The following RAI1 variants were observed in gnomAD, a reference collection of about 807,000 sequenced individuals.
RAI1 encodes retinoic acid induced 1, also known as retinoic acid-induced protein 1.
A neutral mutation model predicts 123.8 loss-of-function variants in RAI1; 9 were observed. The ratio of observed to expected loss-of-function variants is 0.07; its 90% CI spans 0.04 to 0.13. The LOEUF is 0.13. Ranked by LOEUF, RAI1 falls within the 10% of genes least tolerant of loss-of-function variation. The probability of loss-of-function intolerance (pLI) is 1.00; values close to 1 mark genes in which losing one functional copy is unlikely to be tolerated. For missense variants in RAI1, 2,256 were observed against 2,545.8 expected (o/e 0.89, Z 2.45); for synonymous variants, 1,231 against 1,127.3 (o/e 1.09, Z -1.84).
At chr17:17,782,377 G>A (rs1044766131) in intron 2 of RAI1, among the ~76,000 whole-genome samples, 9 of 151,986 alleles carry the variant, frequency 5.9e-5, no homozygotes, top group Non-Finnish European at 1.2e-4. Context: ...AGGGGAGGTG[G>A]CGTTGGGGAG....
intron 4 of RAI1, among the ~76,000 whole-genome samples, chr17:17,804,873 T>C (rs1345414040): frequency 6.6e-6 from 1 of 152,014 alleles, no homozygotes; most frequent in East Asian, 1.9e-4. Flanking sequence ...TATTTATTTA[T>C]TTATTTTTGA....
rs758820067 is a variant in RAI1 at position 17,810,724 on chromosome 17, C to T, written c.*743C>T. 2.3e-5 allele frequency: 10 copies of T among 433,444 alleles called. No homozygotes were observed. Among genetic ancestry groups the T allele is most frequent in the South Asian group, 1.6e-4 (10 of 62,592 alleles). The allele number at this position is 433,444 out of a possible 1,614,324, so 26.8% of individuals were successfully genotyped here. A position where few individuals can be genotyped will look rare whatever the true frequency, so the allele number is the denominator to read the frequency against. Reference sequence around the variant, plus strand: ...GGACACCCTTTGGCCTCTGTTTGTCCCCTTTCCAGTCCTCCACCCCACCCC... The same window carrying T: ...GGACACCCTTTGGCCTCTGTTTGTCTCCTTTCCAGTCCTCCACCCCACCCC... On this transcript the variant is annotated 3_prime_UTR_variant, in exon 6 of 6. Coordinates refer to ENST00000353383, the MANE Select transcript of RAI1 (RefSeq NM_030665.4). The surrounding 1 kb of genome is among the most constrained non-coding windows in gnomAD (Gnocchi z 4.6).
chr17:17,693,117 C>G (rs1057187780), intron 1 of RAI1, among the ~76,000 whole-genome samples: 1 of 152,240 alleles, frequency 6.6e-6, no homozygotes, highest in Non-Finnish European at 1.5e-5. Context: ...GGGGTGCCTG[C>G]CATGCAGAGG....
At chr17:17,767,157 G>A (rs1237613949) in intron 2 of RAI1, among the ~76,000 whole-genome samples, 7 of 152,316 alleles carry the variant, frequency 4.6e-5, no homozygotes, top group Middle Eastern at 3.4e-3. Flanking sequence ...CTTCCCCAAC[G>A]AGCCAGGTGG....
At chr17:17,733,317 T>C (rs1464975939) in intron 2 of RAI1, among the ~76,000 whole-genome samples, 2 of 152,152 alleles carry the variant, frequency 1.3e-5, no homozygotes, top group Non-Finnish European at 2.9e-5. Flanking sequence ...AAAGAAAGGG[T>C]GCACCAGATG....
Position 17,795,313 on chromosome 17 carries a change from G to C in RAI1, c.2365G>C (p.Ala789Pro), listed in dbSNP as rs371592740. Residue 789 changes from alanine to proline, a missense_variant, in exon 3 of 6, where the codon GCC becomes CCC. Physicochemically the swap from Ala to Pro is conservative, Grantham distance 27. Around this residue, in one of 7 missense-constraint regions of RAI1, gnomAD observed 566 missense variants for 616.0 expected, o/e 0.92. Transcript: ENST00000353383. This position sits in a 1 kb window ranked among gnomAD's most constrained non-coding sequence, Gnocchi z 5.9. ...ISKGDTHEAS[A>P]CLGFQEEDPP... Reference sequence around the variant, plus strand: ...CAAAGGGGACACCCATGAGGCTTCGGCCTGCCTGGGCTTCCAGGAGGAGGA... The same window carrying C: ...CAAAGGGGACACCCATGAGGCTTCGCCCTGCCTGGGCTTCCAGGAGGAGGA... 6.2e-7 allele frequency: 1 copy of C among 1,605,876 alleles called. No individual in the cohort carries two copies. Among genetic ancestry groups the C allele is most frequent in the African/African-American group, 1.3e-5 (1 of 74,630 alleles).
intron 2 of RAI1, chr17:17,779,239 TC>T (rs1204280190): frequency 6.3e-6 from 2 of 316,956 alleles, no homozygotes; most frequent in Non-Finnish European, 1.2e-5. Flanking sequence ...TGGCTGGCTC[TC>T]CCCGAAGGTC....
chr17:17,692,788 C>T (rs973462361), intron 1 of RAI1, among the ~76,000 whole-genome samples: 1 of 152,182 alleles, frequency 6.6e-6, no homozygotes, highest in African/African-American at 2.4e-5. Context: ...ATGCCTTTAT[C>T]CTGGAGTTGC....
chr17:17,720,370 A>T (rs1915842273), intron 1 of RAI1, among the ~76,000 whole-genome samples: 1 of 152,158 alleles, frequency 6.6e-6, no homozygotes, highest in Non-Finnish European at 1.5e-5. Flanking sequence ...AGGAGGGAGG[A>T]TCCTAATTCC....
intron 1 of RAI1, among the ~76,000 whole-genome samples, chr17:17,706,316 G>A (rs572053764): frequency 1.3e-5 from 2 of 152,206 alleles, no homozygotes; most frequent in South Asian, 4.1e-4. Flanking sequence ...ATGGGACCGT[G>A]TAGTGGCCAA....
intron 1 of RAI1, among the ~76,000 whole-genome samples, chr17:17,688,689 G>A (rs1914730819): frequency 1.3e-5 from 2 of 151,898 alleles, no homozygotes; most frequent in Admixed American, 1.3e-4. Context: ...TTTGTCTCCT[G>A]AGTTCAAGTG....
In RAI1 at chr17:17,800,200, C is replaced by G. The variant is rs796789152; in HGVS notation, c.5565+1687C>G. On this transcript the variant is annotated intron_variant, in intron 3 of 5. Transcript: ENST00000353383. The surrounding 1 kb of genome is among the most constrained non-coding windows in gnomAD (Gnocchi z 4.7). The stretch of plus-strand genomic sequence containing the variant: ...TCTCTGTCTCTCTCTCTCTCTCTCT[C>G]TCTCTCTCTCTCTCTCTCTCTCTCT... 0.04 allele frequency among the ~76,000 whole-genome samples: 5,194 copies of G among 128,944 alleles called. 224 individuals carry two copies. Among genetic ancestry groups the G allele is most frequent in the African/African-American group, 0.089 (2,895 of 32,570 alleles). 84.6% of individuals were successfully genotyped at this position (128,944 alleles called of 152,430 possible).
At chr17:17,791,105 G>A (rs1379518509) in intron 2 of RAI1, among the ~76,000 whole-genome samples, 3 of 152,224 alleles carry the variant, frequency 2.0e-5, no homozygotes, top group African/African-American at 4.8e-5. Context: ...TTGATAAGCC[G>A]GTGGGCAGGG....
At chr17:17,785,629 G>A (rs1467251627) in intron 2 of RAI1, among the ~76,000 whole-genome samples, 2 of 152,158 alleles carry the variant, frequency 1.3e-5, no homozygotes, top group East Asian at 1.9e-4. Flanking sequence ...GGTTCTCACC[G>A]CCTCTGGAAG....
chr17:17,686,340 T>A (rs1425212757), intron 1 of RAI1, among the ~76,000 whole-genome samples: 1 of 124,822 alleles, frequency 8.0e-6, no homozygotes, highest in Non-Finnish European at 1.7e-5. Flanking sequence ...CAGGGGGAGG[T>A]GGCGGGCAGC....
chr17:17,696,631 A>T (rs555650884), intron 1 of RAI1, among the ~76,000 whole-genome samples: 1 of 152,260 alleles, frequency 6.6e-6, no homozygotes, highest in East Asian at 1.9e-4. Flanking sequence ...CCCTACCTGT[A>T]GCCCCCCGAC....
intron 2 of RAI1, 70 bp downstream of exon 2, chr17:17,724,229 G>T (rs1915994134): frequency 6.6e-6 from 1 of 151,290 alleles, no homozygotes; most frequent in Non-Finnish European, 1.5e-5. Flanking sequence ...CGAGCCCCCG[G>T]CCCGCCGCCG....
At chr17:17,758,111 T>C (rs898547381) in intron 2 of RAI1, among the ~76,000 whole-genome samples, 6 of 152,192 alleles carry the variant, frequency 3.9e-5, no homozygotes, top group Admixed American at 6.5e-5. Context: ...TTATTAACGC[T>C]GACAGTAAAT....
intron 2 of RAI1, among the ~76,000 whole-genome samples, chr17:17,728,507 A>T (rs1216409985): frequency 6.6e-6 from 1 of 152,234 alleles, no homozygotes; most frequent in East Asian, 1.9e-4. Flanking sequence ...ATGGCAGGGC[A>T]TAGCCAGGTG....
Sources: allele counts gnomAD v4.1 joint callset (sites outside exome capture counted in the v4.1 genomes callset), GRCh38; gene constraint gnomAD v4.1.1; regional missense constraint gnomAD v4.1.1; non-coding constraint Gnocchi (gnomAD v3.1); transcripts MANE v1.5; gene names NCBI Gene and HGNC (gene_info 2026-07-23, HGNC 2026-07-21).